The following FARS2 variants were observed in gnomAD, a reference collection of about 807,000 sequenced individuals.
FARS2 encodes the protein phenylalanyl-tRNA synthetase 2, mitochondrial, also known as phenylalanine--tRNA ligase, mitochondrial.
A neutral mutation model predicts 46.4 loss-of-function variants in FARS2; 40 were observed. The ratio of observed to expected loss-of-function variants is 0.86; its 90% confidence interval spans 0.67 to 1.12. The LOEUF is 1.12. Ranked by LOEUF, FARS2 falls within the 50% of genes most tolerant of loss-of-function variation. FARS2 has a pLI of 0.00. For synonymous variants in FARS2, 234 were observed against 214.9 expected (o/e 1.09, Z -0.78); for missense variants, 513 against 567.9 (o/e 0.90, Z 0.98).
intron 2 of FARS2, among the ~76,000 whole-genome samples, chr6:5,395,803 TGTA>T (rs1470494567): frequency 6.6e-6 from 1 of 152,238 alleles, no homozygotes; most frequent in African/African-American, 2.4e-5. Flanking sequence ...TTTTTATCCT[TGTA>T]GTAACATTTG....
At chr6:5,758,757 C>G (rs533083755) in intron 6 of FARS2, among the ~76,000 whole-genome samples, 12 of 152,196 alleles carry the variant, frequency 7.9e-5, no homozygotes, top group Non-Finnish European at 1.5e-4. Context: ...AAGCTTCGCT[C>G]TCTCCTATTG....
At chr6:5,586,993 A>G (rs1198836311) in intron 5 of FARS2, among the ~76,000 whole-genome samples, 1 of 152,208 alleles carries the variant, frequency 6.6e-6, no homozygotes, top group Non-Finnish European at 1.5e-5. Context: ...TGACTTAATA[A>G]TATGAATAAT....
At chr6:5,301,798 C>CAT (rs1768325168) in intron 1 of FARS2, among the ~76,000 whole-genome samples, 2 of 125,910 alleles carry the variant, frequency 1.6e-5, no homozygotes, top group Non-Finnish European at 3.2e-5. Context: ...ATCTCACACA[C>CAT]ACATACACAC....
At chr6:5,535,600 T>G (rs1214040796) in intron 4 of FARS2, among the ~76,000 whole-genome samples, 10 of 152,228 alleles carry the variant, frequency 6.6e-5, no homozygotes, top group Admixed American at 5.9e-4. Flanking sequence ...TAAGTGAAAT[T>G]TATCTAAGTG....
chr6:5,346,034 G>T (rs1383032573), intron 1 of FARS2, among the ~76,000 whole-genome samples: 1 of 152,234 alleles, frequency 6.6e-6, no homozygotes, highest in African/African-American at 2.4e-5. Flanking sequence ...GCCTGGAGCA[G>T]CAGTGCTCAC....
Position 5,758,704 on chromosome 6 carries a change from T to C in FARS2, c.1218-12587T>C, listed in dbSNP as rs565048358. 1.9e-3 allele frequency among the ~76,000 whole-genome samples: 286 copies of C among 152,316 alleles called. 2 individuals carry two copies. Among genetic ancestry groups the C allele is most frequent in the African/African-American group, 5.7e-3 (238 of 41,574 alleles). On this transcript the variant is annotated intron_variant, in intron 6 of 6. Transcript: ENST00000274680. ...ATATCTTCAACAAGTTTCACTTGAA[T>C]TTGTAAATTCTGAGATGAGTTTGGG...
intron 1 of FARS2, among the ~76,000 whole-genome samples, chr6:5,340,205 G>A (rs1216811708): frequency 3.3e-5 from 5 of 152,162 alleles, no homozygotes; most frequent in African/African-American, 9.7e-5. Flanking sequence ...TTTGTGATAA[G>A]GTAGCAACTA....
chr6:5,664,234 C>T (rs1052163295), intron 6 of FARS2, among the ~76,000 whole-genome samples: 45 of 152,222 alleles, frequency 3.0e-4, no homozygotes, highest in African/African-American at 1.1e-3. Flanking sequence ...ATAGGAACTC[C>T]CCTGTGCTGG....
intron 4 of FARS2, among the ~76,000 whole-genome samples, chr6:5,470,120 T>G (rs1017708142): frequency 6.6e-6 from 1 of 152,190 alleles, no homozygotes; most frequent in Admixed American, 6.5e-5. Flanking sequence ...CCAAAAGGAG[T>G]TAATTTTTGA....
chr6:5,613,056 AATG>A (rs1265829395), intron 5 of FARS2, 110 bp from the exon 6 acceptor site: 13 of 814,576 alleles, frequency 1.6e-5, no homozygotes, highest in Middle Eastern at 2.3e-4. Flanking sequence ...TAGATGCTGA[AATG>A]ATGTTTTACT....
chr6:5,278,150 C>T (rs1223988591), intron 1 of FARS2, among the ~76,000 whole-genome samples: 8 of 152,178 alleles, frequency 5.3e-5, no homozygotes, highest in Non-Finnish European at 8.8e-5. Context: ...GATGAGAGTT[C>T]GGCTCTGGCT....
At chr6:5,501,335 G>A (rs919563384) in intron 4 of FARS2, among the ~76,000 whole-genome samples, 2 of 152,098 alleles carry the variant, frequency 1.3e-5, no homozygotes, top group African/African-American at 4.8e-5. Flanking sequence ...TTCATGGTAA[G>A]TTCTCAACTC....
intron 6 of FARS2, among the ~76,000 whole-genome samples, chr6:5,634,504 C>T (rs1161945536): frequency 2.0e-5 from 3 of 152,090 alleles, no homozygotes; most frequent in Non-Finnish European, 4.4e-5. Flanking sequence ...GAGATGAGGT[C>T]TTGCTGTGTT....
chr6:5,513,297 C>T (rs868225403), intron 4 of FARS2, among the ~76,000 whole-genome samples: 2 of 152,092 alleles, frequency 1.3e-5, no homozygotes, highest in East Asian at 1.9e-4. Flanking sequence ...GGAGCTGAGC[C>T]GTGTTTGTGT....
upstream of FARS2, among the ~76,000 whole-genome samples, chr6:5,256,064 CAA>C (rs1764649182): frequency 6.6e-6 from 1 of 151,654 alleles, no homozygotes. Context: ...TTAGCTGGCC[CAA>C]AAGGTTGGTC....
chr6:5,510,141 G>C (rs1377709416), intron 4 of FARS2, among the ~76,000 whole-genome samples: 1 of 152,126 alleles, frequency 6.6e-6, no homozygotes, highest in Non-Finnish European at 1.5e-5. Context: ...TGGTTGGTTG[G>C]TTGGTTTTTG....
At chr6:5,352,942 G>T (rs1009244936) in intron 1 of FARS2, among the ~76,000 whole-genome samples, 4 of 152,060 alleles carry the variant, frequency 2.6e-5, no homozygotes, top group Non-Finnish European at 5.9e-5. Flanking sequence ...CCTTCTTCTA[G>T]ATATTTTGAA....
intron 2 of FARS2, among the ~76,000 whole-genome samples, chr6:5,374,640 C>T (rs1485392153): frequency 6.6e-6 from 1 of 151,836 alleles, no homozygotes; most frequent in Non-Finnish European, 1.5e-5. Flanking sequence ...AGAAAGAAAA[C>T]TTTTGAAGTT....
chr6:5,353,897 C>G (rs1407447356), intron 1 of FARS2, among the ~76,000 whole-genome samples: 1 of 150,054 alleles, frequency 6.7e-6, no homozygotes, highest in African/African-American at 2.4e-5. Context: ...AACCAAAGCC[C>G]AAGGCAGAAG....
Sources: allele counts gnomAD v4.1 joint callset (sites outside exome capture counted in the v4.1 genomes callset), GRCh38; gene constraint gnomAD v4.1.1; transcripts MANE v1.5; gene names NCBI Gene and HGNC (gene_info 2026-07-23, HGNC 2026-07-21).